Variants in LIMCH1 observed in about 807,000 individuals in gnomAD.
LIMCH1 encodes LIM and calponin homology domains 1, also known as LIM and calponin homology domains-containing protein 1.
LIMCH1 carries 113 observed loss-of-function variants against 176.5 expected under a neutral mutation model. That is an observed-to-expected ratio of 0.64 (90% CI 0.55 to 0.75). LIMCH1 has a LOEUF of 0.75. LIMCH1 is among the 30% of genes least tolerant of loss of function. The pLI is 0.00. For synonymous variants in LIMCH1, 619 were observed against 645.9 expected (o/e 0.96, Z 0.63); for missense variants, 1,674 against 1,814.9 (o/e 0.92, Z 1.41).
chr4:41,658,490 G>A (rs1349500153), intron 18 of LIMCH1, among the ~76,000 whole-genome samples: 1 of 152,178 alleles, frequency 6.6e-6, no homozygotes, highest in Non-Finnish European at 1.5e-5. Context: ...AATGTGGTAT[G>A]CTGGTACAAT....
chr4:41,617,245 C>T (rs747189124), intron 5 of LIMCH1, among the ~76,000 whole-genome samples: 21 of 152,072 alleles, frequency 1.4e-4, no homozygotes, highest in Non-Finnish European at 2.6e-4. Context: ...CAGCACTTCT[C>T]GTAGTCAGAA....
chr4:41,558,914 A>G (rs540255391), intron 1 of LIMCH1, among the ~76,000 whole-genome samples: 115 of 152,296 alleles, frequency 7.6e-4, no homozygotes, highest in Admixed American at 1.4e-3. Flanking sequence ...ATCTCAGCAG[A>G]CATGTCTTCA....
chr4:41,613,008 T>C (rs1186063521), intron 4 of LIMCH1: 13 of 1,551,528 alleles, frequency 8.4e-6, no homozygotes, highest in Non-Finnish European at 1.1e-5. Flanking sequence ...ATTTGCCAGA[T>C]AGTATAAACA....
intron 30 of LIMCH1, among the ~76,000 whole-genome samples, chr4:41,691,671 G>A (rs1244528684): frequency 1.3e-5 from 2 of 152,054 alleles, no homozygotes; most frequent in African/African-American, 4.8e-5. Flanking sequence ...GCTGAGGCAG[G>A]AGAATTGCTT....
At chr4:41,539,708 A>C (rs1213591615) in intron 1 of LIMCH1, among the ~76,000 whole-genome samples, 1 of 152,186 alleles carries the variant, frequency 6.6e-6, no homozygotes, top group Admixed American at 6.5e-5. Context: ...CTGGAGTCCC[A>C]ACTAATGCTG....
chr4:41,595,779 T>C (rs770752342), intron 1 of LIMCH1, among the ~76,000 whole-genome samples: 1 of 152,128 alleles, frequency 6.6e-6, no homozygotes, highest in African/African-American at 2.4e-5. Flanking sequence ...ATTCATCAAC[T>C]GGACATGGTG....
intron 2 of LIMCH1, among the ~76,000 whole-genome samples, chr4:41,512,939 C>T (rs1202825482): frequency 2.0e-5 from 3 of 152,142 alleles, no homozygotes; most frequent in Non-Finnish European, 4.4e-5. Context: ...CATACACACA[C>T]AATGGGATTT....
intron 9 of LIMCH1, 114 bp downstream of exon 9, chr4:41,629,848 C>A: frequency 8.0e-7 from 1 of 1,245,170 alleles, no homozygotes; most frequent in Non-Finnish European, 1.1e-6. Context: ...TGCTCTGTTG[C>A]CCAGGCTGGA....
intron 1 of LIMCH1, among the ~76,000 whole-genome samples, chr4:41,472,312 A>G (rs1205613986): frequency 6.6e-6 from 1 of 151,930 alleles, no homozygotes; most frequent in South Asian, 2.1e-4. Context: ...GCAGAAAGCC[A>G]GTTCCTTCCC....
intron 2 of LIMCH1, among the ~76,000 whole-genome samples, chr4:41,506,829 T>C (rs1272504803): frequency 2.6e-5 from 4 of 152,174 alleles, no homozygotes. Context: ...AATTCTCCAA[T>C]ACCAGCTGGT....
intron 1 of LIMCH1, among the ~76,000 whole-genome samples, chr4:41,549,668 G>A (rs551889427): frequency 1.1e-4 from 16 of 152,242 alleles, no homozygotes; most frequent in South Asian, 8.3e-4. Flanking sequence ...CCTAACCACC[G>A]TGTTCCAAGA....
At chr4:41,367,821 C>T (rs1050095828) in intron 1 of LIMCH1, among the ~76,000 whole-genome samples, 6 of 147,880 alleles carry the variant, frequency 4.1e-5, no homozygotes, top group Admixed American at 1.4e-4. Flanking sequence ...GAGCCAAAAT[C>T]GCGCCACTGC....
At chr4:41,573,323 C>T (rs1297812082) in intron 1 of LIMCH1, among the ~76,000 whole-genome samples, 1 of 152,056 alleles carries the variant, frequency 6.6e-6, no homozygotes, top group Admixed American at 6.5e-5. Context: ...GATATGTAAT[C>T]ACTATGTAAA....
intron 2 of LIMCH1, among the ~76,000 whole-genome samples, chr4:41,497,981 G>T (rs753651928): frequency 7.2e-4 from 110 of 152,232 alleles, no homozygotes; most frequent in Admixed American, 1.8e-3. Context: ...CAGTGCAGAG[G>T]GTGAACCACT....
chr4:41,397,805 G>T (rs2057967579), intron 1 of LIMCH1, among the ~76,000 whole-genome samples: 2 of 152,082 alleles, frequency 1.3e-5, no homozygotes. Flanking sequence ...AATCTTATCA[G>T]TCTGACATAT....
intron 1 of LIMCH1, among the ~76,000 whole-genome samples, chr4:41,426,913 A>G (rs562215329): frequency 1.4e-4 from 22 of 152,378 alleles, no homozygotes; most frequent in Admixed American, 4.6e-4. Context: ...TGAAAATAAT[A>G]TATGTTTGAT....
At chr4:41,518,324 G>T (rs2075794047) in intron 2 of LIMCH1, among the ~76,000 whole-genome samples, 1 of 152,184 alleles carries the variant, frequency 6.6e-6, no homozygotes, top group African/African-American at 2.4e-5. Context: ...TATATGGGCT[G>T]TTGGAAGAGT....
chr4:41,496,764 G>T (rs2072228158), intron 2 of LIMCH1, among the ~76,000 whole-genome samples: 1 of 152,192 alleles, frequency 6.6e-6, no homozygotes, highest in Admixed American at 6.5e-5. Flanking sequence ...TGAAAATGTG[G>T]GATCGTTTGA....
chr4:41,579,337 A>G (rs2085018552), intron 1 of LIMCH1, among the ~76,000 whole-genome samples: 1 of 152,216 alleles, frequency 6.6e-6, no homozygotes, highest in African/African-American at 2.4e-5. Flanking sequence ...ATCCTTACGC[A>G]GTGGCATTTA....
Sources: allele counts gnomAD v4.1 joint callset (sites outside exome capture counted in the v4.1 genomes callset), GRCh38; gene constraint gnomAD v4.1.1; transcripts MANE v1.5; gene names NCBI Gene and HGNC (gene_info 2026-07-23, HGNC 2026-07-21).